Variants in CTNNA2 observed in about 807,000 individuals in gnomAD.
CTNNA2 encodes the protein catenin alpha 2.
In CTNNA2, 42 loss-of-function variants were observed where a neutral mutation model predicts 101.0. That is an observed-to-expected ratio of 0.42 (90% confidence interval 0.32 to 0.54). The LOEUF is 0.54. CTNNA2 is among the 20% of genes least tolerant of loss of function. The pLI is 0.14. For missense variants in CTNNA2, 871 were observed against 1,223.1 expected (o/e 0.71, Z 4.29); for synonymous variants, 450 against 456.4 (o/e 0.99, Z 0.18).
At chr2:79,946,993 T>C (rs966907880) in intron 7 of CTNNA2, among the ~76,000 whole-genome samples, 3 of 152,122 alleles carry the variant, frequency 2.0e-5, no homozygotes, top group African/African-American at 7.2e-5. Context: ...TAATCAAATA[T>C]CCAGAATTAT....
intron 7 of CTNNA2, among the ~76,000 whole-genome samples, chr2:80,324,754 G>T (rs1219913317): frequency 1.3e-5 from 2 of 151,860 alleles, no homozygotes; most frequent in African/African-American, 4.8e-5. Context: ...CTGTTACTAT[G>T]TCTCTTATTG....
At chr2:79,217,298 G>A (rs926874494) in intron 2 of CTNNA2, among the ~76,000 whole-genome samples, 5 of 152,160 alleles carry the variant, frequency 3.3e-5, no homozygotes, top group Admixed American at 6.5e-5. Flanking sequence ...TCCGAGTCAC[G>A]GCACCAAATT....
chr2:79,185,863 G>C lies in CTNNA2; in HGVS notation c.-524+432G>C, dbSNP rs576844678. The stretch of plus-strand genomic sequence containing the variant: ...AGGGTGAAATTGCCAATGACTGTTA[G>C]TGAAGGAAAAGGGAAGATGTGTGGT... On this transcript the variant is annotated intron_variant, in intron 1 of 21. Coordinates refer to the CTNNA2 transcript ENST00000466387. Among the ~76,000 whole-genome samples, 4 of 152,274 alleles carry C rather than the reference G, an allele frequency of 2.6e-5. No individual in the cohort carries two copies. The South Asian group carries it at 8.3e-4, about 32-fold the overall frequency.
intron 7 of CTNNA2, among the ~76,000 whole-genome samples, chr2:80,389,349 G>T (rs537666191): frequency 6.6e-6 from 1 of 152,148 alleles, no homozygotes; most frequent in East Asian, 1.9e-4. Flanking sequence ...GGGGTAAATG[G>T]TTAGTCAAGG....
chr2:79,685,018 G>C (rs1332805374), intron 2 of CTNNA2, among the ~76,000 whole-genome samples: 1 of 151,974 alleles, frequency 6.6e-6, no homozygotes, highest in Non-Finnish European at 1.5e-5. Flanking sequence ...TTTGCTCCAA[G>C]TTTTCAACCT....
chr2:80,303,920 G>T lies in CTNNA2; in HGVS notation c.1057-89291G>T, dbSNP rs1316574605. On this transcript the variant is annotated intron_variant, in intron 7 of 18. Transcript: ENST00000402739. The surrounding 1 kb of genome is among the most constrained non-coding windows in gnomAD (Gnocchi z 7.7). ...TCCGAGGGAGGGGAAGCGGGGGAGG[G>T]GGAGAAAAGGGCAAAAAATCAAATA... 1.2e-5 allele frequency: 16 copies of T among 1,352,990 alleles called. No homozygotes were observed. In the East Asian group the frequency reaches 2.8e-4, roughly 23 times the overall value. 83.8% of individuals were successfully genotyped at this position (1,352,990 alleles called of 1,614,324 possible).
chr2:79,269,260 A>G (rs1386218070), intron 2 of CTNNA2, among the ~76,000 whole-genome samples: 1 of 152,140 alleles, frequency 6.6e-6, no homozygotes. Flanking sequence ...TTGACAGCCT[A>G]AGCCAGCAGC....
chr2:80,615,443 G>A (rs531514874), intron 17 of CTNNA2, among the ~76,000 whole-genome samples: 2 of 151,508 alleles, frequency 1.3e-5, no homozygotes, highest in South Asian at 2.1e-4. Flanking sequence ...GACTGAGTTG[G>A]GAATTTAAAG....
chr2:79,251,373 G>A (rs1246833606), intron 2 of CTNNA2, among the ~76,000 whole-genome samples: 15 of 152,130 alleles, frequency 9.9e-5, no homozygotes, highest in Non-Finnish European at 5.9e-5. Context: ...AGCCCTCAGA[G>A]GACCACAGCT....
chr2:80,157,561 T>C (rs1162499022), intron 7 of CTNNA2, among the ~76,000 whole-genome samples: 5 of 152,146 alleles, frequency 3.3e-5, no homozygotes, highest in Non-Finnish European at 1.5e-5. Flanking sequence ...ATCAAAACCG[T>C]ATCAAGTGGA....
intron 3 of CTNNA2, among the ~76,000 whole-genome samples, chr2:79,753,865 CTCT>C (rs983995602): frequency 2.1e-5 from 3 of 140,194 alleles, no homozygotes; most frequent in African/African-American, 9.0e-5. Flanking sequence ...TTCTTTTTCT[CTCT>C]TTTTTTTTTT....
chr2:80,616,740 G>T (rs534113703), intron 17 of CTNNA2, among the ~76,000 whole-genome samples: 22 of 151,780 alleles, frequency 1.4e-4, no homozygotes, highest in Admixed American at 5.9e-4. Flanking sequence ...ATGTCAAGAG[G>T]CTAGATCCTG....
At chr2:79,270,373 C>T (rs1370851774) in intron 2 of CTNNA2, among the ~76,000 whole-genome samples, 1 of 152,068 alleles carries the variant, frequency 6.6e-6, no homozygotes, top group Non-Finnish European at 1.5e-5. Flanking sequence ...AATCTGCTTC[C>T]TTGCTAATGT....
At chr2:79,620,047 T>A (rs765992604) in intron 1 of CTNNA2, among the ~76,000 whole-genome samples, 9 of 152,284 alleles carry the variant, frequency 5.9e-5, no homozygotes, top group Non-Finnish European at 8.8e-5. Flanking sequence ...GTGCGATAGA[T>A]TCTAAGGTCT....
At position 80,302,602 on chromosome 2, in the gene CTNNA2, G is replaced by A. The variant is rs769080308; in HGVS notation, c.1057-90609G>A. The A allele has an allele frequency of 1.1e-5, 17 of 1,606,416 alleles. No individual in the cohort carries two copies. The highest frequency in any genetic ancestry group is 1.4e-5 in the Non-Finnish European group (17 of 1,178,838). On this transcript the variant is annotated intron_variant, in intron 7 of 18. Transcript: ENST00000402739. This position sits in a 1 kb window ranked among gnomAD's most constrained non-coding sequence, Gnocchi z 6.4. ...CTGGAAGAGCCACGGTGGCAGGCTCGAATGTGCCGTCGTGCTGCCCCTCCC... is the reference window on the plus strand; with the variant it reads ...CTGGAAGAGCCACGGTGGCAGGCTCAAATGTGCCGTCGTGCTGCCCCTCCC...
chr2:80,586,192 G>GT (rs1300368099), intron 14 of CTNNA2: 2 of 152,184 alleles, frequency 1.3e-5, no homozygotes, highest in Non-Finnish European at 1.5e-5. Flanking sequence ...GAAGTTAGCA[G>GT]TAGGGCATTA....
At chr2:79,251,399 C>G (rs1448744959) in intron 2 of CTNNA2, among the ~76,000 whole-genome samples, 1 of 152,138 alleles carries the variant, frequency 6.6e-6, no homozygotes, top group African/African-American at 2.4e-5. Context: ...GATTGTCAGC[C>G]TCTAAGAGGA....
At chr2:79,792,487 C>T (rs189224186) in intron 3 of CTNNA2, among the ~76,000 whole-genome samples, 1 of 152,144 alleles carries the variant, frequency 6.6e-6, no homozygotes, top group African/African-American at 2.4e-5. Flanking sequence ...TGTCTTAGAT[C>T]CTGTGACATG....
At chr2:79,728,657 A>G (rs1687011986) in intron 2 of CTNNA2, among the ~76,000 whole-genome samples, 1 of 152,148 alleles carries the variant, frequency 6.6e-6, no homozygotes, top group Admixed American at 6.5e-5. Context: ...GTCCATGCCT[A>G]TGTCCTGAAT....
Sources: allele counts gnomAD v4.1 joint callset (sites outside exome capture counted in the v4.1 genomes callset), GRCh38; gene constraint gnomAD v4.1.1; non-coding constraint Gnocchi (gnomAD v3.1); transcripts MANE v1.5; gene names NCBI Gene and HGNC (gene_info 2026-07-23, HGNC 2026-07-21).